ADGRL3: variants seen among roughly 807,000 people sequenced by gnomAD.
ADGRL3 encodes adhesion G protein-coupled receptor L3.
In ADGRL3, 62 loss-of-function variants were observed where a neutral mutation model predicts 153.5. The ratio of observed to expected loss-of-function variants is 0.40; its 90% confidence interval spans 0.33 to 0.50. The LOEUF is 0.50. Ranked by LOEUF, ADGRL3 falls within the 20% of genes least tolerant of loss-of-function variation. The probability of loss-of-function intolerance (pLI) is 0.47; values close to 1 mark genes in which losing one functional copy is unlikely to be tolerated. For synonymous variants in ADGRL3, 710 were observed against 672.5 expected (o/e 1.06, Z -0.86); for missense variants, 1,641 against 1,859.4 (o/e 0.88, Z 2.16).
intron 15 of ADGRL3, among the ~76,000 whole-genome samples, chr4:61,937,747 C>T (rs1006871063): frequency 5.3e-5 from 8 of 152,322 alleles, no homozygotes; most frequent in South Asian, 4.1e-4. Flanking sequence ...AACCCTAGTA[C>T]TTCAGTGCCT....
intron 2 of ADGRL3, among the ~76,000 whole-genome samples, chr4:61,422,839 A>G (rs114261941): frequency 0.032 from 4,922 of 151,758 alleles, 254 homozygotes; most frequent in East Asian, 0.22. Context: ...ATTCTTAGAA[A>G]TATGTATGAT....
chr4:62,005,661 G>A (rs945283090), intron 21 of ADGRL3, among the ~76,000 whole-genome samples: 2 of 151,926 alleles, frequency 1.3e-5, no homozygotes, highest in African/African-American at 2.4e-5. Flanking sequence ...CTATGGAAAT[G>A]CTTAAAAATC....
intron 13 of ADGRL3, among the ~76,000 whole-genome samples, chr4:61,932,806 G>C (rs553163013): frequency 6.6e-6 from 1 of 152,174 alleles, no homozygotes; most frequent in Admixed American, 6.5e-5. Context: ...ATCTGATCCT[G>C]AGCTTTTCTT....
chr4:61,527,112 T>C lies in ADGRL3; in HGVS notation c.259+9594T>C, dbSNP rs911282244. Among the ~76,000 whole-genome samples the C allele has an allele frequency of 2.0e-4, 31 of 152,172 alleles. No individual in the cohort carries two copies. In the East Asian group the frequency reaches 4.6e-3, roughly 23 times the overall value. ...TTCTGCCAAGAAGTAAATACATTAG[T>C]ACTTTCGTAATTTAAAAATATCAGG... On this transcript the variant is annotated intron_variant, in intron 4 of 26. Transcript: ENST00000683033.
At chr4:61,938,240 T>C (rs2098847514) in intron 15 of ADGRL3, among the ~76,000 whole-genome samples, 1 of 152,200 alleles carries the variant, frequency 6.6e-6, no homozygotes, top group South Asian at 2.1e-4. Context: ...TTAAAGTTTT[T>C]AATGTCAACA....
chr4:61,533,789 G>T (rs952113168), intron 4 of ADGRL3, among the ~76,000 whole-genome samples: 1 of 152,050 alleles, frequency 6.6e-6, no homozygotes, highest in South Asian at 2.1e-4. Context: ...TCGTGAAATG[G>T]ACACTCTTTT....
rs144689314 is a variant in ADGRL3, at chr4:61,809,890, A to G, written c.1400-3919A>G. Among the ~76,000 whole-genome samples the G allele has an allele frequency of 5.9e-5, 9 of 152,290 alleles. No homozygotes were observed. The East Asian group carries it at 1.7e-3, about 29-fold the overall frequency. On this transcript the variant is annotated intron_variant, in intron 8 of 26. Transcript: ENST00000683033. The stretch of plus-strand genomic sequence containing the variant: ...TTAATTACTACCTACGTATAAATTC[A>G]TCTAATCTTCAGAATGCCCTTATGA...
At chr4:61,818,401 T>G (rs974096699) in intron 9 of ADGRL3, among the ~76,000 whole-genome samples, 1 of 152,182 alleles carries the variant, frequency 6.6e-6, no homozygotes, top group Non-Finnish European at 1.5e-5. Context: ...GCACAGCCCT[T>G]TATGAGCTGG....
chr4:61,358,596 CAAAAA>C (rs71211377), intron 1 of ADGRL3, among the ~76,000 whole-genome samples: 4 of 96,866 alleles, frequency 4.1e-5, no homozygotes, highest in Non-Finnish European at 5.9e-5. Context: ...GACTCCGTCT[CAAAAA>C]AAAAAAAAAA....
chr4:61,456,038 A>G (rs1021170203), intron 2 of ADGRL3, among the ~76,000 whole-genome samples: 3 of 151,592 alleles, frequency 2.0e-5, no homozygotes, highest in East Asian at 1.9e-4. Flanking sequence ...CTGGTCTCGA[A>G]CTCCTAGCAT....
chr4:61,458,225 T>C (rs2097774234), intron 2 of ADGRL3, among the ~76,000 whole-genome samples: 1 of 151,524 alleles, frequency 6.6e-6, no homozygotes. Context: ...TGTCCATAAA[T>C]ATAAATATTA....
intron 2 of ADGRL3, among the ~76,000 whole-genome samples, chr4:61,422,592 C>A (rs963586396): frequency 1.1e-4 from 16 of 152,022 alleles, no homozygotes; most frequent in Admixed American, 3.3e-4. Flanking sequence ...TCCAACATAT[C>A]TTCCTAAGTA....
chr4:61,489,553 T>A (rs553289895), intron 2 of ADGRL3, among the ~76,000 whole-genome samples: 1 of 152,146 alleles, frequency 6.6e-6, no homozygotes, highest in East Asian at 1.9e-4. Flanking sequence ...CTAAAAGTGC[T>A]GTAATTATCT....
At chr4:61,857,023 CCCTT>C (rs1157114077) in intron 9 of ADGRL3, among the ~76,000 whole-genome samples, 5 of 113,490 alleles carry the variant, frequency 4.4e-5, no homozygotes, top group African/African-American at 1.2e-4. Context: ...TTTCCTTCCT[CCCTT>C]CCTTCCTTCC....
At chr4:61,655,099 G>T (rs2150458919) in intron 5 of ADGRL3, among the ~76,000 whole-genome samples, 1 of 151,974 alleles carries the variant, frequency 6.6e-6, no homozygotes, top group South Asian at 2.1e-4. Flanking sequence ...ATAATATTGT[G>T]TTCTTTGTGG....
At chr4:61,594,330 G>A (rs969548262) in intron 5 of ADGRL3, among the ~76,000 whole-genome samples, 1 of 152,054 alleles carries the variant, frequency 6.6e-6, no homozygotes, top group African/African-American at 2.4e-5. Context: ...CATTTGATGA[G>A]GTCCTGTTTT....
At chr4:62,031,871 G>A (rs887811751) in intron 23 of ADGRL3, among the ~76,000 whole-genome samples, 2 of 150,962 alleles carry the variant, frequency 1.3e-5, no homozygotes, top group African/African-American at 2.4e-5. Context: ...TGACTTTATA[G>A]TCTTTAATAT....
intron 6 of ADGRL3, among the ~76,000 whole-genome samples, chr4:61,716,841 A>G (rs2096125775): frequency 6.6e-6 from 1 of 152,172 alleles, no homozygotes; most frequent in African/African-American, 2.4e-5. Context: ...TTGTCATAGC[A>G]TTGCAGCACA....
chr4:61,948,342 C>A, intron 17 of ADGRL3, 66 bp downstream of exon 17: 1 of 1,201,144 alleles, frequency 8.3e-7, no homozygotes, highest in East Asian at 2.4e-5. Context: ...GTAAATAGTC[C>A]TAACTATATG....
Sources: gnomAD v4.1 joint callset for allele counts (sites outside exome capture counted in the v4.1 genomes callset) on GRCh38, gnomAD v4.1.1 for gene constraint, MANE v1.5 for transcripts, NCBI Gene and HGNC (gene_info 2026-07-23, HGNC 2026-07-21) for gene names.